Variants in COL8A1 observed in about 807,000 individuals in gnomAD.
COL8A1 encodes the protein collagen type VIII alpha 1 chain.
In COL8A1, 21 loss-of-function variants were observed where a neutral mutation model predicts 42.7. The ratio of observed to expected loss-of-function variants is 0.49; its 90% confidence interval spans 0.35 to 0.71. COL8A1 has a LOEUF of 0.71. Among genes scored for constraint, COL8A1 ranks in the 30% least tolerant of loss-of-function variants. The pLI is 0.01. For missense variants in COL8A1, 788 were observed against 962.4 expected (o/e 0.82, Z 2.40); for synonymous variants, 367 against 369.1 (o/e 0.99, Z 0.06).
At chr3:99,792,251 T>G (rs1167381836) in intron 3 of COL8A1, among the ~76,000 whole-genome samples, 3 of 152,234 alleles carry the variant, frequency 2.0e-5, no homozygotes, top group Non-Finnish European at 4.4e-5. Flanking sequence ...TTGAATGGCT[T>G]GCCTTGCCTT....
In COL8A1 at chr3:99,797,692, T is replaced by C. The variant is rs1942128973; in HGVS notation, c.*1556T>C. The stretch of plus-strand genomic sequence containing the variant: ...CGAATTTAAAAACAGATGTGCTGCT[T>C]CTGGGTGTAGGTAGTAAAAGTATAG... On this transcript the variant is annotated 3_prime_UTR_variant, in exon 4 of 4. Transcript: ENST00000652472. The C allele has an allele frequency of 1.3e-5, 2 of 152,172 alleles. No homozygotes were observed. 9.4% of individuals were successfully genotyped at this position (152,172 alleles called of 1,614,324 possible).
intron 1 of COL8A1, among the ~76,000 whole-genome samples, chr3:99,643,498 T>C (rs1937555043): frequency 6.6e-6 from 1 of 152,170 alleles, no homozygotes. Flanking sequence ...TAAACTCCTT[T>C]CTTACTTGTA....
At chr3:99,711,278 T>C (rs1221651173) in intron 1 of COL8A1, among the ~76,000 whole-genome samples, 1 of 152,060 alleles carries the variant, frequency 6.6e-6, no homozygotes, top group Non-Finnish European at 1.5e-5. Flanking sequence ...CCCCAAAAGG[T>C]GATCGTTATT....
At position 99,733,654 on chromosome 3, in the gene COL8A1, G is replaced by T. The variant is rs553019273; in HGVS notation, c.-128-11243G>T. Among the ~76,000 whole-genome samples, 15 of 151,960 alleles carry T rather than the reference G, an allele frequency of 9.9e-5. No individual in the cohort carries two copies. In the East Asian group the frequency reaches 2.7e-3, roughly 27 times the overall value. On this transcript the variant is annotated intron_variant, in intron 1 of 3. Transcript: ENST00000652472. ...AGCAGCATGATTTATAGTCCTTTGG[G>T]TATATACCCAGTAATGGGATGGCTG...
chr3:99,738,368 G>A (rs1940795963), intron 1 of COL8A1, among the ~76,000 whole-genome samples: 1 of 152,162 alleles, frequency 6.6e-6, no homozygotes, highest in Admixed American at 6.5e-5. Context: ...ATCTGCTTTT[G>A]GTCTTTAATG....
chr3:99,775,671 T>C (rs1022355412), intron 2 of COL8A1, among the ~76,000 whole-genome samples: 5 of 152,176 alleles, frequency 3.3e-5, no homozygotes, highest in African/African-American at 1.2e-4. Context: ...TGTTACCTTG[T>C]ACCTCCATGT....
At chr3:99,690,130 A>G (rs1939175335) in intron 1 of COL8A1, among the ~76,000 whole-genome samples, 1 of 152,224 alleles carries the variant, frequency 6.6e-6, no homozygotes, top group Admixed American at 6.5e-5. Context: ...TGTTAGTTCT[A>G]CAGGATCTTA....
intron 1 of COL8A1, chr3:99,680,095 A>G (rs935082840): frequency 3.9e-5 from 6 of 152,080 alleles, no homozygotes; most frequent in African/African-American, 1.2e-4. Context: ...TGCTGCACCC[A>G]TTAACTCATC....
intron 1 of COL8A1, among the ~76,000 whole-genome samples, chr3:99,684,451 T>C (rs528109552): frequency 6.6e-6 from 1 of 152,206 alleles, no homozygotes; most frequent in Non-Finnish European, 1.5e-5. Context: ...ACTGGCATCA[T>C]TTATTGGCAT....
At chr3:99,683,604 GT>G (rs566449597) in intron 1 of COL8A1, among the ~76,000 whole-genome samples, 11 of 148,798 alleles carry the variant, frequency 7.4e-5, no homozygotes, top group East Asian at 2.0e-4. Context: ...AAATTTTAGG[GT>G]TTTTTTTTTC....
chr3:99,744,555 G>C (rs938439658), intron 1 of COL8A1, among the ~76,000 whole-genome samples: 3 of 152,124 alleles, frequency 2.0e-5, no homozygotes, highest in African/African-American at 4.8e-5. Flanking sequence ...CCCTTCTTAA[G>C]TAAAATTAAC....
At chr3:99,685,748 T>C (rs1231792344) in intron 1 of COL8A1, among the ~76,000 whole-genome samples, 1 of 152,204 alleles carries the variant, frequency 6.6e-6, no homozygotes, top group East Asian at 1.9e-4. Context: ...TTTATTTAAG[T>C]CTACAATATG....
chr3:99,686,064 A>T (rs1260853689), intron 1 of COL8A1, among the ~76,000 whole-genome samples: 1 of 152,208 alleles, frequency 6.6e-6, no homozygotes, highest in Non-Finnish European at 1.5e-5. Context: ...CATTGTAATC[A>T]ATTGTAACCA....
chr3:99,654,142 G>A (rs748734597), intron 1 of COL8A1, among the ~76,000 whole-genome samples: 1 of 152,154 alleles, frequency 6.6e-6, no homozygotes, highest in Non-Finnish European at 1.5e-5. Flanking sequence ...TCCAACACAG[G>A]AGAAAAATGA....
chr3:99,734,001 T>C (rs1476470768), intron 1 of COL8A1, among the ~76,000 whole-genome samples: 3 of 152,078 alleles, frequency 2.0e-5, no homozygotes, highest in Non-Finnish European at 4.4e-5. Flanking sequence ...GGGTTGTTTG[T>C]TTCTTTCTTG....
chr3:99,773,306 C>T (rs771929737), intron 2 of COL8A1, among the ~76,000 whole-genome samples: 23 of 152,096 alleles, frequency 1.5e-4, no homozygotes, highest in Non-Finnish European at 2.5e-4. Context: ...CAGTTTAATG[C>T]CTGGCTTCCA....
At chr3:99,785,585 T>C (rs183790854) in intron 2 of COL8A1, among the ~76,000 whole-genome samples, 146 of 152,272 alleles carry the variant, frequency 9.6e-4, no homozygotes, top group African/African-American at 3.3e-3. Flanking sequence ...AATGCATATG[T>C]TGAACCTCAA....
At chr3:99,643,606 A>G (rs752543770) in intron 1 of COL8A1, among the ~76,000 whole-genome samples, 3 of 152,240 alleles carry the variant, frequency 2.0e-5, no homozygotes, top group Non-Finnish European at 4.4e-5. Context: ...ACAGTGACTC[A>G]GGTCTCAAAT....
chr3:99,747,355 T>C (rs1247624639), intron 2 of COL8A1, among the ~76,000 whole-genome samples: 2 of 152,208 alleles, frequency 1.3e-5, no homozygotes, highest in African/African-American at 4.8e-5. Flanking sequence ...CTAAATAATA[T>C]GGGTTGAACT....
Sources: allele counts gnomAD v4.1 joint callset (sites outside exome capture counted in the v4.1 genomes callset), GRCh38; gene constraint gnomAD v4.1.1; transcripts MANE v1.5; gene names NCBI Gene and HGNC (gene_info 2026-07-23, HGNC 2026-07-21).